Variants in ADGRD1 observed in about 807,000 individuals in gnomAD.
The protein encoded by ADGRD1 is G-protein coupled receptor 133.
Under a neutral mutation model 113.4 loss-of-function variants are expected in ADGRD1, and 77 were observed. The ratio of observed to expected loss-of-function variants is 0.68; its 90% confidence interval spans 0.57 to 0.82. ADGRD1 has a LOEUF of 0.82. ADGRD1 is among the 40% of genes least tolerant of loss of function. ADGRD1 has a pLI of 0.00. For missense variants in ADGRD1, 1,036 were observed against 1,139.1 expected, an observed-to-expected ratio of 0.91 and a Z score of 1.30; for synonymous variants, 474 against 475.0, an observed-to-expected ratio of 1.00 and a Z score of 0.03.
chr12:130,969,934 T>C (rs1312793088), intron 3 of ADGRD1: 2 of 152,232 alleles, frequency 1.3e-5, no homozygotes, highest in Admixed American at 1.3e-4. Context: ...TGAATTGTCT[T>C]CTTTGGGGGA....
intron 15 of ADGRD1, among the ~76,000 whole-genome samples, chr12:131,094,005 A>T (rs925363724): frequency 2.2e-5 from 3 of 136,412 alleles, no homozygotes; most frequent in African/African-American, 8.3e-5. Context: ...AGCCCTGAGC[A>T]CCCAGCCTCA....
intron 20 of ADGRD1, among the ~76,000 whole-genome samples, chr12:131,123,928 G>A (rs1950673686): frequency 6.6e-6 from 1 of 152,122 alleles, no homozygotes; most frequent in Non-Finnish European, 1.5e-5. Context: ...TTGGCACACA[G>A]CCACGTCCAT....
At position 131,036,218 on chromosome 12, in the gene ADGRD1, C is replaced by T. The variant is rs187826803; in HGVS notation, c.1473+21878C>T. Among the ~76,000 whole-genome samples, 8 of 152,096 alleles carry T rather than the reference C, an allele frequency of 5.3e-5. No individual in the cohort carries two copies. In the East Asian group the frequency reaches 1.5e-3, roughly 29 times the overall value. ...ACGGGAGGCGGGGTCTTAACCACTGCACCGGGTCTTACTGCATCAGGCCTT... is the reference window on the plus strand; with the variant it reads ...ACGGGAGGCGGGGTCTTAACCACTGTACCGGGTCTTACTGCATCAGGCCTT... On this transcript the variant is annotated intron_variant, in intron 13 of 24. Coordinates refer to ENST00000261654, the MANE Select transcript of ADGRD1 (RefSeq NM_198827.5).
chr12:130,962,883 A>T (rs1870524285), intron 2 of ADGRD1: 2 of 152,234 alleles, frequency 1.3e-5, no homozygotes, highest in African/African-American at 2.4e-5. Flanking sequence ...ACACGTGTGG[A>T]TGTTGGGCGC....
At chr12:131,006,191 C>T (rs1454345790) in intron 12 of ADGRD1, 144 bp downstream of exon 12, 14 of 727,960 alleles carry the variant, frequency 1.9e-5, no homozygotes, top group East Asian at 5.4e-5. Context: ...GGCAAGGAAA[C>T]GTGAAGCGTT....
At chr12:131,020,280 A>T (rs541502097) in intron 13 of ADGRD1, among the ~76,000 whole-genome samples, 37 of 112,182 alleles carry the variant, frequency 3.3e-4, no homozygotes, top group Non-Finnish European at 6.3e-4. Context: ...CAGGGGCAGG[A>T]CCCCAAGCTC....
intron 2 of ADGRD1, chr12:130,957,408 CCCCA>C (rs1049071960): frequency 2.0e-5 from 3 of 148,032 alleles, no homozygotes; most frequent in Non-Finnish European, 4.6e-5. Context: ...CACACGTACA[CCCCA>C]CACACGTCCA....
chr12:130,996,413 C>T (rs12828792), intron 8 of ADGRD1, among the ~76,000 whole-genome samples: 75 of 70,128 alleles, frequency 1.1e-3, no homozygotes, highest in South Asian at 1.3e-3. Flanking sequence ...GGGCTGACCC[C>T]CCACCTCCCT....
Position 131,140,552 on chromosome 12 carries a change from T to C in ADGRD1, c.*1289T>C, listed in dbSNP as rs1481286332. On this transcript the variant is annotated 3_prime_UTR_variant, in exon 25 of 25. Transcript: ENST00000261654. Reference sequence around the variant, plus strand: ...ACTCGTGGTGTCTGTGAAATGTGGGTAAGACATTCAAACCTGGTTTTGATA... The same window carrying C: ...ACTCGTGGTGTCTGTGAAATGTGGGCAAGACATTCAAACCTGGTTTTGATA... 6.6e-6 allele frequency: 1 copy of C among 151,928 alleles called. No homozygotes were observed. Among genetic ancestry groups the C allele is most frequent in the Non-Finnish European group, 1.5e-5 (1 of 68,036 alleles). The allele number at this position is 151,928 out of a possible 1,614,324, so 9.4% of individuals were successfully genotyped here.
chr12:131,083,069 G>A (rs568767747), intron 14 of ADGRD1, among the ~76,000 whole-genome samples: 1 of 152,322 alleles, frequency 6.6e-6, no homozygotes, highest in African/African-American at 2.4e-5. Flanking sequence ...ACAAGCTGGG[G>A]TCTTCATCGG....
rs1173812962 is a variant in ADGRD1 at position 131,120,887 on chromosome 12, G to T, written c.2149G>T (p.Val717Leu). 6.2e-7 allele frequency: 1 copy of T among 1,614,100 alleles called. No homozygotes were observed. Among genetic ancestry groups the T allele is most frequent in the Admixed American group, 1.7e-5 (1 of 60,012 alleles). The change falls in exon 20 of 25, where the codon GTA (valine) becomes TTA (leucine). Residue 717 changes from valine (V) to leucine (L), a missense_variant. Physicochemically the swap from Val to Leu is conservative, Grantham distance 32. Transcript: ENST00000261654. The part of the protein sequence containing the change: ...SLASGAIWAF[V>L]APALFVIVVN... ...GGCGAGTGGCGCCATCTGGGCCTTTGTAGCCCCTGCCCTGTTTGTCATCGT... is the reference window on the plus strand; with the variant it reads ...GGCGAGTGGCGCCATCTGGGCCTTTTTAGCCCCTGCCCTGTTTGTCATCGT...
At chr12:130,994,164 C>G (rs550808676) in intron 8 of ADGRD1, 1 of 381,484 alleles carries the variant, frequency 2.6e-6, no homozygotes, top group Non-Finnish European at 5.5e-6. Flanking sequence ...GGGAAGGACC[C>G]GCGGGGTGTT....
intron 18 of ADGRD1, among the ~76,000 whole-genome samples, chr12:131,114,781 G>A (rs1443796397): frequency 6.6e-6 from 1 of 152,094 alleles, no homozygotes. Flanking sequence ...TGTTGACTGC[G>A]AGACTTGTGC....
intron 14 of ADGRD1, among the ~76,000 whole-genome samples, chr12:131,081,289 T>C (rs1015435746): frequency 2.0e-5 from 3 of 152,210 alleles, no homozygotes; most frequent in African/African-American, 7.2e-5. Context: ...CATGTAATCA[T>C]TGGTGTGGCT....
chr12:131,027,905 C>T lies in ADGRD1; in HGVS notation c.1473+13565C>T, dbSNP rs1465698775. On this transcript the variant is annotated intron_variant, in intron 13 of 24. Transcript: ENST00000261654. This position sits in a 1 kb window ranked among gnomAD's most constrained non-coding sequence, Gnocchi z 5.1. ...GCACACGGCCAGCACCATGGAATGC[C>T]TTTTCCAGACGCCAGCAGAACAGAG... The T allele has an allele frequency of 6.6e-6, 1 of 152,222 alleles. No homozygotes were observed. The highest frequency in any genetic ancestry group is 2.4e-5 in the African/African-American group (1 of 41,440). 9.4% of individuals were successfully genotyped at this position (152,222 alleles called of 1,614,324 possible).
At chr12:131,026,125 T>C (rs1310126407) in intron 13 of ADGRD1, 1 of 152,302 alleles carries the variant, frequency 6.6e-6, no homozygotes, top group African/African-American at 2.4e-5. Flanking sequence ...TCATCTGTGC[T>C]TCTCCCCTGC....
chr12:130,994,401 T>C (rs948965196), intron 8 of ADGRD1: 3 of 272,054 alleles, frequency 1.1e-5, no homozygotes, highest in African/African-American at 6.6e-5. Flanking sequence ...GCCCTGCCTG[T>C]AGCTAAGGTA....
At chr12:131,120,260 C>A (rs1040137070) in intron 19 of ADGRD1, among the ~76,000 whole-genome samples, 22 of 152,162 alleles carry the variant, frequency 1.4e-4, no homozygotes, top group Non-Finnish European at 1.0e-4. Flanking sequence ...CTTGACAGTG[C>A]CGTAGGCTCT....
chr12:131,118,193 T>C (rs1950512233), intron 18 of ADGRD1, among the ~76,000 whole-genome samples, 192 bp from the exon 19 acceptor site: 1 of 152,256 alleles, frequency 6.6e-6, no homozygotes, highest in African/African-American at 2.4e-5. Flanking sequence ...GTGTGTGTTA[T>C]TCCTTTGTTT....
Sources: gnomAD v4.1 joint callset for allele counts (sites outside exome capture counted in the v4.1 genomes callset) on GRCh38, gnomAD v4.1.1 for gene constraint, Gnocchi (gnomAD v3.1) non-coding constraint, MANE v1.5 for transcripts, NCBI Gene and HGNC (gene_info 2026-07-23, HGNC 2026-07-21) for gene names.